The following SEMA6A variants were observed in gnomAD, a reference collection of about 807,000 sequenced individuals.
SEMA6A encodes the protein semaphorin 6A, also known as semaphorin-6A.
In SEMA6A, 25 loss-of-function variants were observed where a neutral mutation model predicts 96.8. That is an observed-to-expected ratio of 0.26 (90% CI 0.19 to 0.36). The LOEUF (loss-of-function observed/expected upper bound fraction) is 0.36. Ranked by LOEUF, SEMA6A falls within the 10% of genes least tolerant of loss-of-function variation. The probability of loss-of-function intolerance (pLI) is 1.00; values close to 1 mark genes in which losing one functional copy is unlikely to be tolerated. For missense variants in SEMA6A, 1,363 were observed against 1,323.1 expected (o/e 1.03, Z -0.47); for synonymous variants, 612 against 518.0 (o/e 1.18, Z -2.46).
chr5:116,465,578 C>T, intron 18 of SEMA6A, among the ~76,000 whole-genome samples: 1 of 152,136 alleles, frequency 6.6e-6, no homozygotes, highest in Admixed American at 6.5e-5. Context: ...CATTGTTTGA[C>T]AATATGTAGA....
rs1305614295 is a variant in SEMA6A at position 116,482,715 on chromosome 5, T to TTA, written c.963-142_963-141dup. Reference sequence around the variant, plus strand: ...TTGGACACTATAAATATAAGGGATCTTAGTACACAAAGAAAATATTTCTCT... The same window carrying TTA: ...TTGGACACTATAAATATAAGGGATCTTATAGTACACAAAGAAAATATTTCTCT... On this transcript the variant is annotated intron_variant, in intron 10 of 18. Coordinates refer to ENST00000343348, the MANE Select transcript of SEMA6A (RefSeq NM_020796.5). 5 of 737,048 alleles carry TTA rather than the reference T, an allele frequency of 6.8e-6. No individual in the cohort carries two copies. In the Admixed American group the frequency reaches 1.6e-4, roughly 23 times the overall value. 45.7% of individuals were successfully genotyped at this position (737,048 alleles called of 1,614,324 possible).
intron 18 of SEMA6A, among the ~76,000 whole-genome samples, chr5:116,457,772 CAT>C (rs2112612293): frequency 6.6e-6 from 1 of 152,226 alleles, no homozygotes; most frequent in East Asian, 1.9e-4. Flanking sequence ...AAGAGATTTA[CAT>C]ATGATGAGGT....
At chr5:116,565,715 T>C (rs1264671442) in intron 1 of SEMA6A, among the ~76,000 whole-genome samples, 2 of 152,162 alleles carry the variant, frequency 1.3e-5, no homozygotes, top group African/African-American at 4.8e-5. Context: ...TAAGAACAAA[T>C]ACATTGAAAA....
rs3984966 is a variant in SEMA6A at position 116,448,755 on chromosome 5, C to CAAAAA, written c.1895-949_1895-945dup. ...TTTGTGCTGATTTTGCATCACCTCT[C>CAAAAA]AAAAAAAAAAAAAAAAAAAAACAGT... On this transcript the variant is annotated intron_variant, in intron 18 of 18. Coordinates refer to ENST00000343348, the MANE Select transcript of SEMA6A (RefSeq NM_020796.5). 5.7e-3 allele frequency among the ~76,000 whole-genome samples: 604 copies of CAAAAA among 105,598 alleles called. 7 individuals are homozygous for CAAAAA. Among genetic ancestry groups the CAAAAA allele is most frequent in the African/African-American group, 9.4e-3 (262 of 27,766 alleles). 69.3% of individuals were successfully genotyped at this position (105,598 alleles called of 152,430 possible).
chr5:116,545,896 A>G (rs1760166549), intron 1 of SEMA6A, among the ~76,000 whole-genome samples: 1 of 152,194 alleles, frequency 6.6e-6, no homozygotes, highest in African/African-American at 2.4e-5. Flanking sequence ...GGCCCTATCT[A>G]GTTCTGCCAT....
At chr5:116,453,695 A>G (rs1196593263) in intron 18 of SEMA6A, among the ~76,000 whole-genome samples, 1 of 152,202 alleles carries the variant, frequency 6.6e-6, no homozygotes, top group Non-Finnish European at 1.5e-5. Context: ...TCTGTTCCAC[A>G]TTGAATCCAT....
intron 5 of SEMA6A, 87 bp downstream of exon 5, chr5:116,496,164 C>T: frequency 2.7e-6 from 3 of 1,115,364 alleles, no homozygotes; most frequent in Non-Finnish European, 4.0e-6. Flanking sequence ...AAAGCACAAT[C>T]CATTCTACAT....
chr5:116,481,449 T>C (rs140993307), intron 11 of SEMA6A, among the ~76,000 whole-genome samples: 1 of 152,330 alleles, frequency 6.6e-6, no homozygotes, highest in Non-Finnish European at 1.5e-5. Context: ...ACATGCCAGA[T>C]AATTCAGGTA....
chr5:116,541,470 C>T (rs935906750), intron 1 of SEMA6A, among the ~76,000 whole-genome samples: 1 of 152,104 alleles, frequency 6.6e-6, no homozygotes, highest in Non-Finnish European at 1.5e-5. Context: ...ACTAAGAGGT[C>T]ACTCACACAA....
At chr5:116,564,989 C>T (rs1303673424) in intron 1 of SEMA6A, among the ~76,000 whole-genome samples, 1 of 152,192 alleles carries the variant, frequency 6.6e-6, no homozygotes, top group African/African-American at 2.4e-5. Context: ...AAAGCCAAAG[C>T]CAAATTATGG....
At chr5:116,498,882 GAAC>G (rs1446610837) in intron 3 of SEMA6A, 1 of 152,174 alleles carries the variant, frequency 6.6e-6, no homozygotes, top group African/African-American at 2.4e-5. Flanking sequence ...AATTGTAAAT[GAAC>G]AACTGATTAA....
intron 18 of SEMA6A, among the ~76,000 whole-genome samples, chr5:116,458,878 C>A (rs1050376612): frequency 1.3e-5 from 2 of 152,124 alleles, no homozygotes; most frequent in Admixed American, 1.3e-4. Context: ...GCCACTTGGG[C>A]TTCTCGGCTC....
chr5:116,519,160 C>G (rs75477104), intron 1 of SEMA6A, among the ~76,000 whole-genome samples: 204 of 152,318 alleles, frequency 1.3e-3, no homozygotes, highest in African/African-American at 4.7e-3. Flanking sequence ...CTGTGTTGAG[C>G]TCCAGTCTTG....
At chr5:116,456,209 A>G (rs922663182) in intron 18 of SEMA6A, among the ~76,000 whole-genome samples, 4 of 152,228 alleles carry the variant, frequency 2.6e-5, no homozygotes, top group Non-Finnish European at 4.4e-5. Flanking sequence ...GCCACTCAGC[A>G]TTAACATCAC....
intron 1 of SEMA6A, among the ~76,000 whole-genome samples, chr5:116,525,173 G>A (rs1461227738): frequency 6.6e-6 from 1 of 152,110 alleles, no homozygotes; most frequent in Non-Finnish European, 1.5e-5. Context: ...GCATGTTCCC[G>A]ACACTGAGTA....
intron 17 of SEMA6A, chr5:116,469,573 G>T (rs1487603569): frequency 6.6e-6 from 1 of 152,116 alleles, no homozygotes; most frequent in Non-Finnish European, 1.5e-5. Context: ...AAGAGAAAGT[G>T]GGGAAGAATA....
intron 10 of SEMA6A, among the ~76,000 whole-genome samples, chr5:116,484,630 AAAAAAT>A (rs896723241): frequency 4.0e-5 from 6 of 148,324 alleles, no homozygotes; most frequent in East Asian, 2.1e-4. Flanking sequence ...CTCAGGAAAA[AAAAAAT>A]AATAATAATA....
At chr5:116,564,191 G>T (rs1009089129) in intron 1 of SEMA6A, among the ~76,000 whole-genome samples, 6 of 152,198 alleles carry the variant, frequency 3.9e-5, no homozygotes, top group African/African-American at 1.4e-4. Context: ...AAAAATGTTG[G>T]CAGGCTGGAT....
Position 116,464,775 on chromosome 5 carries a change from A to G in SEMA6A, c.1894+2808T>C, listed in dbSNP as rs151271814. ...GAAAAGAAAGAAAAACGCAGCAAACATACTCTGGAAATGGAGAATTGTTTG... is the reference window on the plus strand; with the variant it reads ...GAAAAGAAAGAAAAACGCAGCAAACGTACTCTGGAAATGGAGAATTGTTTG... On this transcript the variant is annotated intron_variant, in intron 18 of 18. Coordinates refer to ENST00000343348, the MANE Select transcript of SEMA6A (RefSeq NM_020796.5). Among the ~76,000 whole-genome samples, 29 of 152,356 alleles carry G rather than the reference A, an allele frequency of 1.9e-4. No homozygotes were observed. In the South Asian group the frequency reaches 3.1e-3, roughly 16 times the overall value.
Sources: allele counts gnomAD v4.1 joint callset (sites outside exome capture counted in the v4.1 genomes callset), GRCh38; gene constraint gnomAD v4.1.1; transcripts MANE v1.5; gene names NCBI Gene and HGNC (gene_info 2026-07-23, HGNC 2026-07-21).